The following ARID1B variants were observed in gnomAD, a reference collection of about 807,000 sequenced individuals.
ARID1B encodes the protein AT-rich interaction domain 1B, also known as AT-rich interactive domain-containing protein 1B.
A neutral mutation model predicts 212.3 loss-of-function variants in ARID1B; 30 were observed. That is an observed-to-expected ratio of 0.14 (90% CI 0.11 to 0.19). The LOEUF is 0.19. ARID1B is among the 10% of genes least tolerant of loss of function. ARID1B has a pLI of 1.00. For missense variants in ARID1B, 2,891 were observed against 3,204.0 expected (o/e 0.90, Z 2.36); for synonymous variants, 1,402 against 1,301.7 (o/e 1.08, Z -1.66).
At position 157,203,844 on chromosome 6, in the gene ARID1B, C is replaced by T. The variant is rs756030720; in HGVS notation, c.5264-22C>T. ...TGCATAGAGTCAACATTCATGATAT[C>T]CTTGTTCTTCCCCATCTTCAGTTAC... On this transcript the variant is annotated intron_variant, in intron 18 of 19. Transcript: ENST00000636930. This position sits in a 1 kb window ranked among gnomAD's most constrained non-coding sequence, Gnocchi z 4.4. 1.2e-6 allele frequency: 2 copies of T among 1,613,700 alleles called. No individual in the cohort carries two copies. The highest frequency in any genetic ancestry group is 2.2e-5 in the South Asian group (2 of 91,034).
chr6:156,782,688 C>T (rs1033675705), intron 1 of ARID1B, among the ~76,000 whole-genome samples: 2 of 152,194 alleles, frequency 1.3e-5, no homozygotes, highest in Admixed American at 6.5e-5. Context: ...AAAATCACTC[C>T]CAGTTAAATT....
At chr6:157,011,420 A>G (rs1469774108) in intron 4 of ARID1B, among the ~76,000 whole-genome samples, 1 of 152,246 alleles carries the variant, frequency 6.6e-6, no homozygotes, top group Non-Finnish European at 1.5e-5. Flanking sequence ...TGCCTTGATT[A>G]GTTAAAATGA....
intron 11 of ARID1B, among the ~76,000 whole-genome samples, chr6:157,179,429 T>C (rs919172079): frequency 3.3e-5 from 5 of 152,148 alleles, no homozygotes; most frequent in African/African-American, 1.2e-4. Context: ...TATTTGGATA[T>C]ATAGTTTCTA....
intron 1 of ARID1B, among the ~76,000 whole-genome samples, chr6:156,822,645 C>T (rs374426426): frequency 5.3e-5 from 8 of 152,186 alleles, no homozygotes; most frequent in Admixed American, 4.6e-4. Context: ...GTTTTTATGC[C>T]GTTAGGAGAA....
intron 4 of ARID1B, among the ~76,000 whole-genome samples, chr6:156,948,593 A>G (rs1198707227): frequency 6.6e-6 from 1 of 152,244 alleles, no homozygotes; most frequent in East Asian, 1.9e-4. Context: ...CTAAATGTTG[A>G]CATCCTCAAT....
chr6:156,897,253 T>TTCC (rs1788529982), intron 2 of ARID1B, among the ~76,000 whole-genome samples: 1 of 122,734 alleles, frequency 8.1e-6, no homozygotes, highest in Non-Finnish European at 1.7e-5. Context: ...CTTCTTCTTC[T>TTCC]TCTTCTTCTT....
At chr6:157,022,228 T>G (rs1470212735) in intron 4 of ARID1B, 1 of 152,406 alleles carries the variant, frequency 6.6e-6, no homozygotes, top group African/African-American at 2.4e-5. Context: ...CCGCCGCCAT[T>G]GGCTGTTACC....
intron 3 of ARID1B, among the ~76,000 whole-genome samples, chr6:156,917,357 T>C (rs945422538): frequency 6.6e-6 from 1 of 152,214 alleles, no homozygotes; most frequent in Non-Finnish European, 1.5e-5. Flanking sequence ...GGCTTGGGAC[T>C]GTTTTGCATG....
intron 4 of ARID1B, among the ~76,000 whole-genome samples, chr6:156,951,451 C>CT (rs954316926): frequency 9.7e-4 from 144 of 148,856 alleles, no homozygotes; most frequent in African/African-American, 1.6e-3. Context: ...CTTTCTTTTT[C>CT]TTTTTTTTTT....
intron 2 of ARID1B, among the ~76,000 whole-genome samples, chr6:156,831,799 T>C (rs1583123311): frequency 6.6e-6 from 1 of 152,254 alleles, no homozygotes; most frequent in Non-Finnish European, 1.5e-5. Flanking sequence ...TTAGATTGGA[T>C]ATTTTACTGC....
At chr6:156,981,953 A>G (rs753563715) in intron 4 of ARID1B, among the ~76,000 whole-genome samples, 10 of 152,094 alleles carry the variant, frequency 6.6e-5, no homozygotes, top group East Asian at 3.9e-4. Flanking sequence ...CTGGATTTCC[A>G]TAGTCTTCAC....
chr6:157,175,030 T>G (rs1018218574), intron 11 of ARID1B, 25 bp downstream of exon 11: 4 of 1,351,340 alleles, frequency 3.0e-6, no homozygotes, highest in Middle Eastern at 2.1e-4. Context: ...TTTTTTTTTG[T>G]TTTTTTTGTT....
At chr6:156,807,411 A>G (rs1205262438) in intron 1 of ARID1B, among the ~76,000 whole-genome samples, 1 of 149,092 alleles carries the variant, frequency 6.7e-6, no homozygotes, top group East Asian at 1.9e-4. Flanking sequence ...TCAGTTCTTT[A>G]ATTTCCCCCC....
chr6:156,783,058 A>G (rs545681091), intron 1 of ARID1B, among the ~76,000 whole-genome samples: 7 of 152,178 alleles, frequency 4.6e-5, no homozygotes, highest in South Asian at 2.1e-4. Context: ...ATCAGTAAGT[A>G]TATGCTAGGG....
chr6:156,845,825 A>G (rs1318535393), intron 2 of ARID1B, among the ~76,000 whole-genome samples: 1 of 152,112 alleles, frequency 6.6e-6, no homozygotes, highest in Non-Finnish European at 1.5e-5. Context: ...ACTATCTATG[A>G]ACCTTATTAG....
intron 4 of ARID1B, among the ~76,000 whole-genome samples, chr6:157,068,512 C>G (rs916283165): frequency 8.5e-5 from 13 of 152,270 alleles, no homozygotes; most frequent in Non-Finnish European, 1.9e-4. Context: ...TGAGACCCAC[C>G]GAAGGGTAGA....
At chr6:156,843,061 AGTT>A (rs1784005699) in intron 2 of ARID1B, among the ~76,000 whole-genome samples, 1 of 152,154 alleles carries the variant, frequency 6.6e-6, no homozygotes, top group Non-Finnish European at 1.5e-5. Context: ...AGAGTAGGGT[AGTT>A]GTTCTCTCAT....
chr6:156,939,869 A>C (rs992400457), intron 4 of ARID1B: 6 of 152,364 alleles, frequency 3.9e-5, no homozygotes, highest in African/African-American at 1.4e-4. Context: ...CAGAAATGGT[A>C]ATCATAAGTT....
chr6:156,879,776 T>C (rs922638944), intron 2 of ARID1B, among the ~76,000 whole-genome samples: 4 of 152,024 alleles, frequency 2.6e-5, no homozygotes, highest in African/African-American at 7.3e-5. Context: ...ATATGACACA[T>C]GTGTATATAT....
Sources: allele counts gnomAD v4.1 joint callset (sites outside exome capture counted in the v4.1 genomes callset), GRCh38; gene constraint gnomAD v4.1.1; non-coding constraint Gnocchi (gnomAD v3.1); transcripts MANE v1.5; gene names NCBI Gene and HGNC (gene_info 2026-07-23, HGNC 2026-07-21).